CA10: variants seen among roughly 807,000 people sequenced by gnomAD.
CA10 encodes the protein carbonic anhydrase-related protein 10.
CA10 carries 14 observed loss-of-function variants against 44.2 expected under a neutral mutation model. The observed-to-expected ratio is 0.32, with a 90% CI of 0.21 to 0.50. CA10 has a LOEUF of 0.50. Ranked by LOEUF, CA10 falls within the 20% of genes least tolerant of loss-of-function variation. The probability of loss-of-function intolerance (pLI) is 0.99; values close to 1 mark genes in which losing one functional copy is unlikely to be tolerated. For missense variants in CA10, 350 were observed against 409.7 expected, an observed-to-expected ratio of 0.85 and a Z score of 1.26; for synonymous variants, 159 against 141.6, an observed-to-expected ratio of 1.12 and a Z score of -0.87.
In CA10 at chr17:51,953,940, A is replaced by G. The variant is rs73987328; in HGVS notation, c.137-22808T>C. On this transcript the variant is annotated intron_variant, in intron 2 of 8. Coordinates refer to ENST00000451037, the MANE Select transcript of CA10 (RefSeq NM_020178.5). ...TTGCTCAGTGCTCCAAGAAAGTTAA[A>G]CCAACAAATAAAACCAATTTTAATA... 7.2e-3 allele frequency among the ~76,000 whole-genome samples: 1,092 copies of G among 152,256 alleles called. 17 individuals carry two copies. The highest frequency in any genetic ancestry group is 0.025 in the African/African-American group (1,028 of 41,552).
chr17:51,768,891 A>T (rs1332907118), intron 3 of CA10, among the ~76,000 whole-genome samples: 2 of 152,168 alleles, frequency 1.3e-5, no homozygotes, highest in East Asian at 3.9e-4. Flanking sequence ...CGTTTTCAGA[A>T]AGGAAAGGGC....
intron 3 of CA10, among the ~76,000 whole-genome samples, chr17:51,816,799 C>G (rs1454276080): frequency 1.3e-5 from 2 of 152,032 alleles, no homozygotes; most frequent in Non-Finnish European, 2.9e-5. Flanking sequence ...AAACATTATT[C>G]AGAGAAGGGT....
At chr17:51,715,209 A>AGC (rs1567814111) in intron 4 of CA10, among the ~76,000 whole-genome samples, 2 of 151,938 alleles carry the variant, frequency 1.3e-5, no homozygotes, top group Admixed American at 1.3e-4. Flanking sequence ...CACACCAGGG[A>AGC]CTGTTGTGGG....
intron 2 of CA10, among the ~76,000 whole-genome samples, chr17:51,950,557 G>A (rs1322330031): frequency 6.6e-6 from 1 of 152,096 alleles, no homozygotes; most frequent in Non-Finnish European, 1.5e-5. Flanking sequence ...CCTATTGGGT[G>A]TCCTTCTCCT....
chr17:52,008,423 G>A (rs1043393850), intron 2 of CA10, among the ~76,000 whole-genome samples: 3 of 151,778 alleles, frequency 2.0e-5, no homozygotes, highest in Non-Finnish European at 2.9e-5. Context: ...AATGGGGTGC[G>A]TAAAGTATTT....
rs1395317888 is a variant in CA10, at chr17:51,920,410, G to A, written c.279+10580C>T. Among the ~76,000 whole-genome samples, 4 of 151,894 alleles carry A rather than the reference G, an allele frequency of 2.6e-5. No individual in the cohort carries two copies. The East Asian group carries it at 7.7e-4, about 29-fold the overall frequency. On this transcript the variant is annotated intron_variant, in intron 3 of 8. Transcript: ENST00000451037. Reference sequence around the variant, plus strand: ...GATAAAGACTGGAGAGAAAAGAAAAGGCTAAGAGAGTAAAAGAGATGAAAA... The same window carrying A: ...GATAAAGACTGGAGAGAAAAGAAAAAGCTAAGAGAGTAAAAGAGATGAAAA...
chr17:51,734,186 G>C lies in CA10; in HGVS notation c.465+13447C>G, dbSNP rs879379274. ...TGTACTCAATCTTTGGTTGGGGGGG[G>C]GGGGTTCCAATGTAACACAAATAAT... On this transcript the variant is annotated intron_variant, in intron 4 of 8. Coordinates refer to ENST00000451037, the MANE Select transcript of CA10 (RefSeq NM_020178.5). 1.3e-3 allele frequency among the ~76,000 whole-genome samples: 193 copies of C among 144,526 alleles called. 4 individuals carry two copies. The highest frequency in any genetic ancestry group is 3.5e-3 in the Middle Eastern group (1 of 288). 94.8% of individuals were successfully genotyped at this position (144,526 alleles called of 152,430 possible). A position where few individuals can be genotyped will look rare whatever the true frequency, so the allele number is the denominator to read the frequency against.
intron 2 of CA10, among the ~76,000 whole-genome samples, chr17:52,033,031 G>A (rs959640546): frequency 1.3e-5 from 2 of 152,172 alleles, no homozygotes; most frequent in African/African-American, 4.8e-5. Flanking sequence ...CTTACTAAGT[G>A]GTTGGCAATG....
chr17:51,928,373 A>G (rs1410253866), intron 3 of CA10, among the ~76,000 whole-genome samples: 1 of 152,158 alleles, frequency 6.6e-6, no homozygotes, highest in Non-Finnish European at 1.5e-5. Flanking sequence ...ATGAGAAGGA[A>G]TAACTATTAT....
intron 1 of CA10, among the ~76,000 whole-genome samples, chr17:52,136,845 T>C (rs1466369749): frequency 1.3e-5 from 2 of 152,084 alleles, no homozygotes; most frequent in Non-Finnish European, 2.9e-5. Context: ...GATTTTGAAA[T>C]GGAAATAATC....
chr17:52,061,820 G>A (rs1987394665), intron 2 of CA10, among the ~76,000 whole-genome samples: 1 of 152,132 alleles, frequency 6.6e-6, no homozygotes, highest in Admixed American at 6.5e-5. Flanking sequence ...AAATTACCCA[G>A]TCTTGGGTAG....
intron 3 of CA10, among the ~76,000 whole-genome samples, chr17:51,826,997 C>T (rs1908031884): frequency 6.6e-6 from 1 of 152,186 alleles, no homozygotes; most frequent in South Asian, 2.1e-4. Flanking sequence ...CTAATAAGTG[C>T]TATCATTTCC....
intron 2 of CA10, among the ~76,000 whole-genome samples, chr17:52,065,086 A>G (rs528320401): frequency 3.3e-5 from 5 of 152,328 alleles, no homozygotes; most frequent in Non-Finnish European, 5.9e-5. Flanking sequence ...CTCTGGCCAC[A>G]GTGACCTTTG....
intron 3 of CA10, among the ~76,000 whole-genome samples, chr17:51,891,808 C>G (rs547042886): frequency 5.3e-5 from 8 of 152,294 alleles, no homozygotes; most frequent in African/African-American, 1.9e-4. Flanking sequence ...ATGACTGCTC[C>G]TCTTCCAGCC....
intron 2 of CA10, among the ~76,000 whole-genome samples, chr17:52,057,710 C>A (rs769636435): frequency 9.9e-5 from 15 of 152,046 alleles, no homozygotes; most frequent in Non-Finnish European, 1.9e-4. Flanking sequence ...AAAGGTTTTT[C>A]GAAGTGGAGT....
rs1904735866 is a variant in CA10 at position 51,747,570 on chromosome 17, A to G, written c.465+63T>C. 3 of 1,367,732 alleles carry G rather than the reference A, an allele frequency of 2.2e-6. No individual in the cohort carries two copies. The Admixed American group carries it at 6.4e-5, about 29-fold the overall frequency. The allele number at this position is 1,367,732 out of a possible 1,614,324, so 84.7% of individuals were successfully genotyped here. ...TTTGTTATGTTATCCCATCTTGGAC[A>G]CAAACAGGCACCCAATCTTATAAGT... On this transcript the variant is annotated intron_variant, in intron 4 of 8. Coordinates refer to ENST00000451037, the MANE Select transcript of CA10 (RefSeq NM_020178.5).
At chr17:52,060,226 T>A (rs566587253) in intron 2 of CA10, among the ~76,000 whole-genome samples, 2 of 152,244 alleles carry the variant, frequency 1.3e-5, no homozygotes, top group East Asian at 3.9e-4. Context: ...AATTCAGGAA[T>A]TTTATACAAA....
rs183234547 is a variant in CA10, at chr17:51,649,172, C to G, written c.634+10G>C. ...AATAGTTGCTGTGGAGGAAATTGAA[C>G]CAAACTTACTTTTATATGTTATTCT... On this transcript the variant is annotated intron_variant, in intron 6 of 8. Coordinates refer to ENST00000451037, the MANE Select transcript of CA10 (RefSeq NM_020178.5). The G allele has an allele frequency of 3.8e-5, 61 of 1,606,026 alleles. No individual in the cohort carries two copies. In the East Asian group the frequency reaches 1.3e-3, roughly 35 times the overall value.
chr17:51,864,673 C>T lies in CA10; in HGVS notation c.279+66317G>A, dbSNP rs149862038. ...CACTGTGTAAGAAAATCAAATTCTTCTCTCAGTAACAAAGGTGCCTTGATG... is the reference window on the plus strand; with the variant it reads ...CACTGTGTAAGAAAATCAAATTCTTTTCTCAGTAACAAAGGTGCCTTGATG... On this transcript the variant is annotated intron_variant, in intron 3 of 8. Transcript: ENST00000451037. Among the ~76,000 whole-genome samples the T allele has an allele frequency of 5.1e-4, 78 of 152,298 alleles. No individual in the cohort carries two copies. In the Middle Eastern group the frequency reaches 0.02, roughly 40 times the overall value.
Sources: allele counts gnomAD v4.1 joint callset (sites outside exome capture counted in the v4.1 genomes callset), GRCh38; gene constraint gnomAD v4.1.1; transcripts MANE v1.5; gene names NCBI Gene and HGNC (gene_info 2026-07-23, HGNC 2026-07-21).